The following CSMD1 variants were observed in gnomAD, a reference collection of about 807,000 sequenced individuals.
CSMD1 encodes the protein CUB and Sushi multiple domains 1, also known as CUB and sushi domain-containing protein 1.
Under a neutral mutation model 417.5 loss-of-function variants are expected in CSMD1, and 213 were observed. That is an observed-to-expected ratio of 0.51 (90% confidence interval 0.46 to 0.57). The LOEUF is 0.57. Among genes scored for constraint, CSMD1 ranks in the 20% least tolerant of loss-of-function variants. CSMD1 has a pLI of 0.00. For synonymous variants in CSMD1, 2,862 were observed against 1,736.8 expected (o/e 1.65, Z -16.11); for missense variants, 6,923 against 4,529.7 (o/e 1.53, Z -15.17).
At chr8:4,708,217 T>C (rs1008674844) in intron 1 of CSMD1, among the ~76,000 whole-genome samples, 2 of 152,182 alleles carry the variant, frequency 1.3e-5, no homozygotes, top group African/African-American at 4.8e-5. Flanking sequence ...TCTAAAGTGC[T>C]GAGATTACAG....
chr8:4,766,441 C>G (rs1812471466), intron 1 of CSMD1, among the ~76,000 whole-genome samples: 1 of 152,176 alleles, frequency 6.6e-6, no homozygotes. Context: ...CGAATATATA[C>G]AGAAGGCTAA....
At chr8:4,674,919 G>A (rs551108664) in intron 1 of CSMD1, among the ~76,000 whole-genome samples, 19 of 152,256 alleles carry the variant, frequency 1.2e-4, no homozygotes, top group African/African-American at 4.3e-4. Context: ...CCCTTTATAA[G>A]AAGAGATGCT....
chr8:3,024,476 T>C (rs1480536804), intron 51 of CSMD1, among the ~76,000 whole-genome samples: 6 of 152,078 alleles, frequency 3.9e-5, no homozygotes, highest in Non-Finnish European at 7.4e-5. Flanking sequence ...GGACTAATTT[T>C]TGTATTTTTT....
intron 1 of CSMD1, among the ~76,000 whole-genome samples, chr8:4,902,898 T>C (rs1281021033): frequency 1.3e-4 from 20 of 151,518 alleles, no homozygotes; most frequent in Admixed American, 1.3e-3. Flanking sequence ...ATGTATATTT[T>C]TACACAAGCA....
At position 4,097,799 on chromosome 8, in the gene CSMD1, A is replaced by T. The variant is rs527745120; in HGVS notation, c.416-65700T>A. ...AACATTAGTTTTAGCATGATTACAA[A>T]TGCTGTGGGTGGGTTATGTTTGCCC... On this transcript the variant is annotated intron_variant, in intron 3 of 69. Coordinates refer to ENST00000635120, the MANE Select transcript of CSMD1 (RefSeq NM_033225.6). Among the ~76,000 whole-genome samples the T allele has an allele frequency of 2.6e-4, 40 of 152,310 alleles. 1 individual carries two copies. In the Middle Eastern group the frequency reaches 0.01, roughly 39 times the overall value.
chr8:4,980,537 G>C (rs967232960), intron 1 of CSMD1, among the ~76,000 whole-genome samples: 7 of 152,176 alleles, frequency 4.6e-5, no homozygotes, highest in Admixed American at 6.5e-5. Flanking sequence ...TTTTGGGTGA[G>C]ATATTGAAAT....
intron 10 of CSMD1, among the ~76,000 whole-genome samples, chr8:3,518,811 C>A (rs1585292434): frequency 6.6e-6 from 1 of 152,202 alleles, no homozygotes; most frequent in South Asian, 2.1e-4. Flanking sequence ...ACCATGCAAA[C>A]TTTCTATAAA....
At position 4,031,924 on chromosome 8, in the gene CSMD1, G is replaced by A. The variant is rs774873483; in HGVS notation, c.591C>T (p.Phe197=). The part of the protein sequence containing the change: ...VSPGNGASWD[F]PAPFCRAEGA... ...CTGTACCTCTGCAAAAGGGAGCTGG[G>A]AAGTCCCACGATGCACCATTTCCTG... The change falls in exon 4 of 70, where the codon TTC becomes TTT. Residue 197 remains phenylalanine, a synonymous_variant. Transcript: ENST00000635120. The A allele has an allele frequency of 5.0e-6, 8 of 1,613,604 alleles. No individual in the cohort carries two copies. The highest frequency in any genetic ancestry group is 1.1e-5 in the South Asian group (1 of 91,040).
intron 1 of CSMD1, among the ~76,000 whole-genome samples, chr8:4,770,331 G>A (rs1796535918): frequency 6.8e-6 from 1 of 147,654 alleles, no homozygotes; most frequent in Non-Finnish European, 1.5e-5. Context: ...TATGTACATA[G>A]AAATATATAT....
intron 5 of CSMD1, among the ~76,000 whole-genome samples, chr8:3,849,007 A>G (rs2954220): frequency 0.43 from 65,827 of 151,426 alleles, 15,583 homozygotes; most frequent in African/African-American, 0.64. Flanking sequence ...ACTTTCATAC[A>G]GAAGGTTCTC....
chr8:3,787,331 G>T (rs1181466732), intron 5 of CSMD1, among the ~76,000 whole-genome samples: 1 of 152,132 alleles, frequency 6.6e-6, no homozygotes, highest in Non-Finnish European at 1.5e-5. Context: ...AAGCTATAGA[G>T]AAAACAGTTC....
intron 6 of CSMD1, among the ~76,000 whole-genome samples, chr8:3,737,776 C>G: frequency 6.6e-6 from 1 of 152,226 alleles, no homozygotes; most frequent in Middle Eastern, 3.4e-3. Context: ...CCCATGAAAT[C>G]GTCTGAAATC....
chr8:4,183,951 C>A (rs954906057), intron 3 of CSMD1, among the ~76,000 whole-genome samples: 2 of 152,086 alleles, frequency 1.3e-5, no homozygotes, highest in African/African-American at 2.4e-5. Flanking sequence ...ATGAACTGCT[C>A]CTGAGAACAC....
chr8:3,586,315 T>G, intron 8 of CSMD1, 55 bp from the exon 9 acceptor site: 2 of 1,457,846 alleles, frequency 1.4e-6, no homozygotes, highest in Non-Finnish European at 1.8e-6. Flanking sequence ...AAGACTTCTT[T>G]AGGAAAAAAA....
rs534479660 is a variant in CSMD1, at chr8:3,920,752, T to TTATTG, written c.818+77150_818+77151insCAATA. Among the ~76,000 whole-genome samples the TTATTG allele has an allele frequency of 1.8e-3, 272 of 151,768 alleles. 1 individual carries two copies. Among genetic ancestry groups the TTATTG allele is most frequent in the African/African-American group, 6.3e-3 (261 of 41,390 alleles). ...GAGATGATCCTATAAATATCATATT[T>TTATTG]TGTTAGTGGGGTATATCCAATTTAT... On this transcript the variant is annotated intron_variant, in intron 5 of 69. Coordinates refer to ENST00000635120, the MANE Select transcript of CSMD1 (RefSeq NM_033225.6).
rs186766441 is a variant in CSMD1 at position 4,367,923 on chromosome 8, G to C, written c.415+52030C>G. 2.0e-5 allele frequency among the ~76,000 whole-genome samples: 3 copies of C among 152,258 alleles called. No individual in the cohort carries two copies. The East Asian group carries it at 5.8e-4, about 29-fold the overall frequency. ...TTTTGTATCCTGAAACATTACTGAAGTTGTTTATCAGTTCTAGAAGCCTTC... is the reference window on the plus strand; with the variant it reads ...TTTTGTATCCTGAAACATTACTGAACTTGTTTATCAGTTCTAGAAGCCTTC... On this transcript the variant is annotated intron_variant, in intron 3 of 69. Transcript: ENST00000635120.
chr8:3,846,549 C>T (rs1803517852), intron 5 of CSMD1, among the ~76,000 whole-genome samples: 1 of 152,136 alleles, frequency 6.6e-6, no homozygotes, highest in Non-Finnish European at 1.5e-5. Context: ...TGGGCTAGAG[C>T]ATATGAAATG....
In CSMD1 at chr8:3,201,740, G is replaced by A. The variant is rs1170674492; in HGVS notation, c.4985-15C>T. 5 of 1,506,594 alleles carry A rather than the reference G, an allele frequency of 3.3e-6. No individual in the cohort carries two copies. Among genetic ancestry groups the A allele is most frequent in the Admixed American group, 1.9e-5 (1 of 53,788 alleles). The allele number at this position is 1,506,594 out of a possible 1,614,324, so 93.3% of individuals were successfully genotyped here. A position where few individuals can be genotyped will look rare whatever the true frequency, so the allele number is the denominator to read the frequency against. Reference sequence around the variant, plus strand: ...TCCAAAGACCACTAAAAAATAAGAGGTGGGATGTTGGCACAAGATGCTCTA... The same window carrying A: ...TCCAAAGACCACTAAAAAATAAGAGATGGGATGTTGGCACAAGATGCTCTA... On this transcript the variant is annotated splice_polypyrimidine_tract_variant and intron_variant, in intron 31 of 69. Transcript: ENST00000635120.
chr8:3,711,898 GACAA>G (rs1801527773), intron 6 of CSMD1, among the ~76,000 whole-genome samples: 1 of 152,206 alleles, frequency 6.6e-6, no homozygotes, highest in South Asian at 2.1e-4. Flanking sequence ...AAACAGATAA[GACAA>G]ACAGAGATCT....
Sources: allele counts gnomAD v4.1 joint callset (sites outside exome capture counted in the v4.1 genomes callset), GRCh38; gene constraint gnomAD v4.1.1; transcripts MANE v1.5; gene names NCBI Gene and HGNC (gene_info 2026-07-23, HGNC 2026-07-21).